Variants in GCN1 observed in about 807,000 individuals in gnomAD.
GCN1 encodes stalled ribosome sensor GCN1.
Under a neutral mutation model 288.4 loss-of-function variants are expected in GCN1, and 90 were observed. The observed-to-expected ratio is 0.31, with a 90% CI of 0.26 to 0.37. The LOEUF is 0.37. Among genes scored for constraint, GCN1 ranks in the 10% least tolerant of loss-of-function variants. The pLI is 1.00. For synonymous variants in GCN1, 1,386 were observed against 1,420.2 expected, an observed-to-expected ratio of 0.98 and a Z score of 0.54; for missense variants, 2,586 against 3,419.9, an observed-to-expected ratio of 0.76 and a Z score of 6.08.
intron 33 of GCN1, 101 bp from the exon 34 acceptor site, chr12:120,151,492 C>A: frequency 8.0e-7 from 1 of 1,257,772 alleles, no homozygotes. Flanking sequence ...ACTAGATGTC[C>A]CAAGCCCCAT....
intron 44 of GCN1, 93 bp from the exon 45 acceptor site, chr12:120,141,116 G>C: frequency 9.7e-7 from 1 of 1,032,128 alleles, no homozygotes; most frequent in South Asian, 1.5e-5. Context: ...AAACCTCCCA[G>C]GCTTTATCTG....
rs983566713 is a variant in GCN1, at chr12:120,158,360, C to T, written c.2905+100G>A. ...TCAGAAATCCTCCATATGGTCCAAT[C>T]CCCCAGGCTCAGGAGGCCCTGGGTG... On this transcript the variant is annotated intron_variant, in intron 25 of 57. Coordinates refer to ENST00000300648, the MANE Select transcript of GCN1 (RefSeq NM_006836.2). This position sits in a 1 kb window ranked among gnomAD's most constrained non-coding sequence, Gnocchi z 4.3. The T allele has an allele frequency of 5.0e-6, 5 of 1,008,080 alleles. No homozygotes were observed. The African/African-American group carries it at 6.5e-5, about 13-fold the overall frequency. The allele number at this position is 1,008,080 out of a possible 1,614,324, so 62.4% of individuals were successfully genotyped here.
At chr12:120,172,491 G>C (rs900895696) in intron 14 of GCN1, among the ~76,000 whole-genome samples, 25 of 152,182 alleles carry the variant, frequency 1.6e-4, no homozygotes, top group African/African-American at 6.0e-4. Context: ...CCCAAGAGGA[G>C]GCCCTGGAAT....
At chr12:120,169,123 G>C (rs142712991) in intron 15 of GCN1, among the ~76,000 whole-genome samples, 13 of 152,200 alleles carry the variant, frequency 8.5e-5, no homozygotes, top group African/African-American at 1.2e-4. Flanking sequence ...ATGAAACCCT[G>C]TCTCTACTAA....
In GCN1 at chr12:120,144,463, G is replaced by A; in HGVS notation, c.5353-15C>T. On this transcript the variant is annotated splice_polypyrimidine_tract_variant and intron_variant, in intron 41 of 57. Coordinates refer to ENST00000300648, the MANE Select transcript of GCN1 (RefSeq NM_006836.2). The surrounding 1 kb of genome is among the most constrained non-coding windows in gnomAD (Gnocchi z 4.7). ...TCAGCAAGAGCCTGGGCACACAGAGGGTGGGTCAGCCAGAGCTGCCACCCC... is the reference window on the plus strand; with the variant it reads ...TCAGCAAGAGCCTGGGCACACAGAGAGTGGGTCAGCCAGAGCTGCCACCCC... The A allele has an allele frequency of 6.2e-7, 1 of 1,607,768 alleles. No individual in the cohort carries two copies. Among genetic ancestry groups the A allele is most frequent in the Non-Finnish European group, 8.5e-7 (1 of 1,175,824 alleles).
intron 45 of GCN1, among the ~76,000 whole-genome samples, chr12:120,140,091 T>G (rs1566299780): frequency 6.6e-6 from 1 of 152,328 alleles, no homozygotes; most frequent in East Asian, 1.9e-4. Flanking sequence ...TTGCCAAATG[T>G]AAATTTTAAA....
intron 56 of GCN1, 104 bp from the exon 57 acceptor site, chr12:120,129,598 A>AC (rs367867319): frequency 3.9e-5 from 33 of 847,118 alleles, no homozygotes; most frequent in African/African-American, 2.8e-4. Flanking sequence ...ATGAACACTG[A>AC]CCCCCCCTGC....
rs752181242 is a variant in GCN1 at position 120,178,642 on chromosome 12, C to T, written c.643G>A (p.Val215Met). The T allele has an allele frequency of 6.8e-6, 11 of 1,614,238 alleles. No homozygotes were observed. The highest frequency in any genetic ancestry group is 1.3e-5 in the African/African-American group (1 of 75,058). ...QFCTSHKEMD[V>M]VSQHKSALLD... is the part of the protein sequence containing the mutation. ...GCACTTGCCTTGTGCTGACTGACCA[C>T]GTCCATCTCCTTGTGACTCGTGCAG... Residue 215 changes from valine to methionine, a missense_variant, in exon 7 of 58, where the codon GTG becomes ATG. Coordinates refer to ENST00000300648, the MANE Select transcript of GCN1 (RefSeq NM_006836.2).
chr12:120,150,751 C>T (rs1197533023), intron 34 of GCN1, among the ~76,000 whole-genome samples: 2 of 151,816 alleles, frequency 1.3e-5, no homozygotes, highest in Non-Finnish European at 2.9e-5. Flanking sequence ...TCCTGGCTAA[C>T]ACGGTGAAAC....
intron 13 of GCN1, 118 bp from the exon 14 acceptor site, chr12:120,173,944 A>T: frequency 9.6e-7 from 1 of 1,046,750 alleles, no homozygotes; most frequent in Non-Finnish European, 1.5e-6. Context: ...TATTTCAGAC[A>T]GCTACGAGCC....
intron 7 of GCN1, 42 bp downstream of exon 7, chr12:120,178,583 C>T: frequency 6.2e-7 from 1 of 1,610,334 alleles, no homozygotes; most frequent in East Asian, 2.2e-5. Flanking sequence ...TCCCAACATC[C>T]CCAACATAGC....
At chr12:120,182,934 C>CAA (rs1056569798) in intron 5 of GCN1, among the ~76,000 whole-genome samples, 153 of 89,630 alleles carry the variant, frequency 1.7e-3, no homozygotes, top group African/African-American at 4.6e-3. Flanking sequence ...GACTCCGTCT[C>CAA]AAAAAAAAAA....
rs376053593 is a variant in GCN1, at chr12:120,127,866, C to T, written c.7999G>A (p.Asp2667Asn). 5.6e-6 allele frequency: 9 copies of T among 1,613,604 alleles called. No individual in the cohort carries two copies. The East Asian group carries it at 8.9e-5, about 16-fold the overall frequency. Residue 2667 changes from aspartate to asparagine, a missense_variant, in exon 58 of 58, where the codon GAC becomes AAC. By Grantham distance (23) the Asp-to-Asn change is conservative. Coordinates refer to ENST00000300648, the MANE Select transcript of GCN1 (RefSeq NM_006836.2). ...CAGGCCTCTCATGTCAGGATGGTGT[C>T]GTCCACCTGCTCCGTGGAGTCGGCC... The part of the protein sequence containing the change: ...SQADSTEQVD[D>N]TILT
At chr12:120,184,303 G>A (rs1000096357) in intron 3 of GCN1, 60 bp from the exon 4 acceptor site, 93 of 1,490,206 alleles carry the variant, frequency 6.2e-5, no homozygotes, top group Non-Finnish European at 8.1e-5. Flanking sequence ...GCAGGGGCAA[G>A]GCTGCTCAGG....
chr12:120,187,274 G>A (rs147616785), intron 2 of GCN1, among the ~76,000 whole-genome samples: 4,987 of 150,432 alleles, frequency 0.033, 134 homozygotes, highest in Middle Eastern at 0.048. Context: ...GTGCAATGGC[G>A]CAATCTCAGC....
Position 120,156,820 on chromosome 12 carries a change from G to T in GCN1, c.3168+92C>A. 1 of 1,027,504 alleles carries T rather than the reference G, an allele frequency of 9.7e-7. No individual in the cohort carries two copies. Among genetic ancestry groups the T allele is most frequent in the Non-Finnish European group, 1.5e-6 (1 of 649,872 alleles). 63.6% of individuals were successfully genotyped at this position (1,027,504 alleles called of 1,614,324 possible). On this transcript the variant is annotated intron_variant, in intron 27 of 57. Coordinates refer to ENST00000300648, the MANE Select transcript of GCN1 (RefSeq NM_006836.2). The surrounding 1 kb of genome is among the most constrained non-coding windows in gnomAD (Gnocchi z 5.8). Reference sequence around the variant, plus strand: ...CTACCAAAGTCCAAAAGTAAGGGCTGAAAGGAAACTAGGACTCCACCCTTT... The same window carrying T: ...CTACCAAAGTCCAAAAGTAAGGGCTTAAAGGAAACTAGGACTCCACCCTTT...
intron 1 of GCN1, among the ~76,000 whole-genome samples, chr12:120,191,568 G>C (rs888167405): frequency 3.3e-5 from 5 of 152,136 alleles, no homozygotes; most frequent in African/African-American, 1.2e-4. Context: ...AGAGTCAAGC[G>C]TACACACAGA....
Position 120,144,839 on chromosome 12 carries a change from C to A in GCN1, c.5156-4G>T. The A allele has an allele frequency of 6.2e-7, 1 of 1,614,116 alleles. No homozygotes were observed. Among genetic ancestry groups the A allele is most frequent in the Non-Finnish European group, 8.5e-7 (1 of 1,179,986 alleles). On this transcript the variant is annotated splice_polypyrimidine_tract_variant and splice_region_variant and intron_variant, in intron 40 of 57. Transcript: ENST00000300648. The surrounding 1 kb of genome is among the most constrained non-coding windows in gnomAD (Gnocchi z 4.7). ...CCGGCCATGACCTCAGCCAACCCTG[C>A]AACAAAGGACAGAATGAGTCCACTG... is the stretch of plus-strand genomic sequence containing the variant.
At chr12:120,146,114 A>G (rs996212742) in intron 38 of GCN1, among the ~76,000 whole-genome samples, 1 of 151,968 alleles carries the variant, frequency 6.6e-6, no homozygotes, top group Non-Finnish European at 1.5e-5. Context: ...TAAAAATACA[A>G]AAATTAGCCA....
Sources: allele counts gnomAD v4.1 joint callset (sites outside exome capture counted in the v4.1 genomes callset), GRCh38; gene constraint gnomAD v4.1.1; non-coding constraint Gnocchi (gnomAD v3.1); transcripts MANE v1.5; gene names NCBI Gene and HGNC (gene_info 2026-07-23, HGNC 2026-07-21).